The following SMARCC1 variants were observed in gnomAD, a reference collection of about 807,000 sequenced individuals.
The protein encoded by SMARCC1 is SWI/SNF related BAF chromatin remodeling complex subunit C1.
In SMARCC1, 43 loss-of-function variants were observed where a neutral mutation model predicts 147.4. That is an observed-to-expected ratio of 0.29 (90% CI 0.23 to 0.38). SMARCC1 has a LOEUF of 0.38. Ranked by LOEUF, SMARCC1 falls within the 10% of genes least tolerant of loss-of-function variation. SMARCC1 has a pLI of 1.00. For synonymous variants in SMARCC1, 495 were observed against 484.4 expected (o/e 1.02, Z -0.29); for missense variants, 1,119 against 1,381.1 (o/e 0.81, Z 3.01).
intron 2 of SMARCC1, 55 bp from the exon 3 acceptor site, chr3:47,746,048 CAT>C (rs1406615132): frequency 6.3e-6 from 7 of 1,116,374 alleles, no homozygotes; most frequent in East Asian, 2.5e-5. Flanking sequence ...CAAAATTACT[CAT>C]GTCTTAATTC....
Position 47,588,036 on chromosome 3 carries a change from C to A in SMARCC1, c.*173G>T. The A allele has an allele frequency of 1.7e-6, 1 of 592,776 alleles. No individual in the cohort carries two copies. Among genetic ancestry groups the A allele is most frequent in the Non-Finnish European group, 3.0e-6 (1 of 334,176 alleles). The allele number at this position is 592,776 out of a possible 1,614,324, so 36.7% of individuals were successfully genotyped here. ...TTGAGTGTTGGCTGAGGACCCAACA[C>A]AAAAAGTGTCAGAGAGAGGGGTGGT... On this transcript the variant is annotated 3_prime_UTR_variant, in exon 28 of 28. Coordinates refer to ENST00000254480, the MANE Select transcript of SMARCC1 (RefSeq NM_003074.4).
In SMARCC1 at chr3:47,662,255, T is replaced by C. The variant is rs566081887; in HGVS notation, c.2158+79A>G. ...TTTTTGTTATTTACATTAAAAGAAA[T>C]GAATGTAACGGCTGGTAATATTTAA... On this transcript the variant is annotated intron_variant, in intron 20 of 27. Transcript: ENST00000254480. 2.6e-6 allele frequency: 3 copies of C among 1,167,102 alleles called. No individual in the cohort carries two copies. In the South Asian group the frequency reaches 4.3e-5, roughly 17 times the overall value. 72.3% of individuals were successfully genotyped at this position (1,167,102 alleles called of 1,614,324 possible).
At chr3:47,730,596 T>C (rs2034361708) in intron 5 of SMARCC1, among the ~76,000 whole-genome samples, 1 of 152,186 alleles carries the variant, frequency 6.6e-6, no homozygotes, top group South Asian at 2.1e-4. Context: ...CTGGGTCCAG[T>C]GGCTCACGCC....
At chr3:47,626,471 A>AAAAG (rs1553675916) in intron 24 of SMARCC1, among the ~76,000 whole-genome samples, 2,295 of 150,084 alleles carry the variant, frequency 0.015, 70 homozygotes, top group African/African-American at 0.054. Context: ...AAAAAAAAAA[A>AAAAG]AAAGAAAGAA....
chr3:47,661,413 A>G lies in SMARCC1; in HGVS notation c.2201T>C (p.Val734Ala). The change falls in exon 21 of 28, where the codon GTT (valine) becomes GCT (alanine). Residue 734 changes from valine (V) to alanine (A), a missense_variant. By Grantham distance (64) the Val-to-Ala change is moderately conservative. Coordinates refer to ENST00000254480, the MANE Select transcript of SMARCC1 (RefSeq NM_003074.4). ...RVREEVPLEL[V>A]EAHVKKVQEA... The stretch of plus-strand genomic sequence containing the variant: ...TTGTACTTTCTTGACATGAGCTTCA[A>G]CCAATTCCAGTGGTACCTCCTCCCG... 6.2e-7 allele frequency: 1 copy of G among 1,613,272 alleles called. No individual in the cohort carries two copies.
At position 47,673,397 on chromosome 3, in the gene SMARCC1, G is replaced by GT. The variant is rs1275672994; in HGVS notation, c.1839+2077_1839+2078insA. 4.7e-3 allele frequency among the ~76,000 whole-genome samples: 620 copies of GT among 131,554 alleles called. 65 individuals carry two copies. Among genetic ancestry groups the GT allele is most frequent in the African/African-American group, 0.017 (581 of 34,126 alleles). 86.3% of individuals were successfully genotyped at this position (131,554 alleles called of 152,430 possible). A position where few individuals can be genotyped will look rare whatever the true frequency, so the allele number is the denominator to read the frequency against. On this transcript the variant is annotated intron_variant, in intron 18 of 27. Coordinates refer to ENST00000254480, the MANE Select transcript of SMARCC1 (RefSeq NM_003074.4). The stretch of plus-strand genomic sequence containing the variant: ...CGAGACTCTGTCTCAAAAAAAAAAG[G>GT]GTGGGGGGGGGGCAGGCCAGTGGCT...
rs528430537 is a variant in SMARCC1 at position 47,711,217 on chromosome 3, G to A, written c.793-409C>T. On this transcript the variant is annotated intron_variant, in intron 8 of 27. Transcript: ENST00000254480. Reference sequence around the variant, plus strand: ...ATGACAGAGCACATTCGCAGAGGCCGATCACCTGCCCCATCATGTACACAT... The same window carrying A: ...ATGACAGAGCACATTCGCAGAGGCCAATCACCTGCCCCATCATGTACACAT... Among the ~76,000 whole-genome samples, 14 of 152,268 alleles carry A rather than the reference G, an allele frequency of 9.2e-5. No homozygotes were observed. In the South Asian group the frequency reaches 2.5e-3, roughly 27 times the overall value.
intron 1 of SMARCC1, among the ~76,000 whole-genome samples, chr3:47,776,738 T>TA (rs2034979449): frequency 6.6e-6 from 1 of 152,078 alleles, no homozygotes; most frequent in Non-Finnish European, 1.5e-5. Flanking sequence ...CATATATATG[T>TA]AAACATATAT....
chr3:47,590,740 G>A lies in SMARCC1; in HGVS notation c.3141C>T (p.Gly1047=), dbSNP rs751751484. The A allele has an allele frequency of 1.2e-6, 2 of 1,602,336 alleles. No individual in the cohort carries two copies. Among genetic ancestry groups the A allele is most frequent in the Non-Finnish European group, 1.7e-6 (2 of 1,175,406 alleles). The change falls in exon 27 of 28, where the codon GGC becomes GGT. Residue 1047 remains glycine (G), a synonymous_variant. Transcript: ENST00000254480. The part of the protein sequence containing the change: ...VAANIHPSGS[G]PTPPGMPPMP... The stretch of plus-strand genomic sequence containing the variant: ...TTGGTGGCATGCCAGGAGGGGTAGG[G>A]CCACTCCCAGAGGGGTGGATGTTGG...
chr3:47,610,040 T>C (rs1199298715), intron 26 of SMARCC1, 26 bp downstream of exon 26: 49 of 1,609,844 alleles, frequency 3.0e-5, no homozygotes, highest in Non-Finnish European at 3.8e-5. Flanking sequence ...CATAAGCTTT[T>C]TCCAAGAGCA....
At chr3:47,694,105 T>C (rs1363707944) in intron 11 of SMARCC1, among the ~76,000 whole-genome samples, 2 of 152,208 alleles carry the variant, frequency 1.3e-5, no homozygotes, top group Non-Finnish European at 2.9e-5. Context: ...ACATTACATT[T>C]CTTTCATTTT....
At chr3:47,699,795 T>G (rs2106785859) in intron 11 of SMARCC1, among the ~76,000 whole-genome samples, 1 of 152,238 alleles carries the variant, frequency 6.6e-6, no homozygotes. Flanking sequence ...CTTCTCCTAT[T>G]TTTAACCGTA....
At chr3:47,770,215 G>A (rs2034896365) in intron 2 of SMARCC1, among the ~76,000 whole-genome samples, 1 of 151,448 alleles carries the variant, frequency 6.6e-6, no homozygotes, top group African/African-American at 2.4e-5. Context: ...GTGACAGAGT[G>A]AGACTGTCTC....
At chr3:47,773,366 A>G (rs1336147761) in intron 1 of SMARCC1, among the ~76,000 whole-genome samples, 1 of 149,826 alleles carries the variant, frequency 6.7e-6, no homozygotes, top group Non-Finnish European at 1.5e-5. Flanking sequence ...ACCTCATGTG[A>G]CCTGCCCCTG....
chr3:47,774,116 T>G (rs376486232), intron 1 of SMARCC1, among the ~76,000 whole-genome samples: 101 of 152,166 alleles, frequency 6.6e-4, no homozygotes, highest in African/African-American at 2.3e-3. Context: ...AGATGAGTGG[T>G]GTATGGTCAA....
intron 2 of SMARCC1, among the ~76,000 whole-genome samples, chr3:47,766,607 T>C (rs2034843848): frequency 6.6e-6 from 1 of 152,128 alleles, no homozygotes. Context: ...TATCCTATTA[T>C]TACAATTATG....
At chr3:47,617,482 T>A (rs572677026) in intron 25 of SMARCC1, among the ~76,000 whole-genome samples, 1 of 152,362 alleles carries the variant, frequency 6.6e-6, no homozygotes, top group Non-Finnish European at 1.5e-5. Flanking sequence ...ATTTTGTACA[T>A]ATTTGTTGAT....
chr3:47,644,367 ACACCT>A (rs1180293220), intron 21 of SMARCC1, among the ~76,000 whole-genome samples: 3 of 152,094 alleles, frequency 2.0e-5, no homozygotes, highest in Non-Finnish European at 4.4e-5. Flanking sequence ...ACAGCGGCAT[ACACCT>A]GTAGTCCCAG....
At chr3:47,635,126 A>C in intron 24 of SMARCC1, 64 bp downstream of exon 24, 1 of 1,415,634 alleles carries the variant, frequency 7.1e-7, no homozygotes, top group Middle Eastern at 2.2e-4. Flanking sequence ...TTCCCAATTA[A>C]CTAAAAACAA....
Sources: allele counts gnomAD v4.1 joint callset (sites outside exome capture counted in the v4.1 genomes callset), GRCh38; gene constraint gnomAD v4.1.1; transcripts MANE v1.5; gene names NCBI Gene and HGNC (gene_info 2026-07-23, HGNC 2026-07-21).